Variants in ST18 observed in about 807,000 individuals in gnomAD.
The protein encoded by ST18 is ST18 C2H2C-type zinc finger transcription factor, also known as suppression of tumorigenicity 18 protein.
ST18 carries 50 observed loss-of-function variants against 110.0 expected under a neutral mutation model. The observed-to-expected ratio is 0.45, with a 90% CI of 0.36 to 0.58. ST18 has a LOEUF of 0.58. ST18 is among the 20% of genes least tolerant of loss of function. The pLI, the probability that ST18 is intolerant of heterozygous loss-of-function variation, is 0.00. For missense variants in ST18, 1,306 were observed against 1,280.1 expected, an observed-to-expected ratio of 1.02 and a Z score of -0.31; for synonymous variants, 461 against 452.4, an observed-to-expected ratio of 1.02 and a Z score of -0.24.
Position 52,116,654 on chromosome 8 carries a change from A to G in ST18, c.2860-236T>C, listed in dbSNP as rs368291921. Among the ~76,000 whole-genome samples the G allele has an allele frequency of 3.9e-5, 6 of 152,340 alleles. No individual in the cohort carries two copies. The East Asian group carries it at 1.2e-3, about 29-fold the overall frequency. ...CTCATGAATTGTAGAACTTCTCCACATGGCTGTATGATGGATATCTCAAAC... is the reference window on the plus strand; with the variant it reads ...CTCATGAATTGTAGAACTTCTCCACGTGGCTGTATGATGGATATCTCAAAC... On this transcript the variant is annotated intron_variant, in intron 24 of 25. Transcript: ENST00000689386.
At chr8:52,369,634 C>A in intron 2 of ST18, among the ~76,000 whole-genome samples, 2 of 151,996 alleles carry the variant, frequency 1.3e-5, no homozygotes, top group South Asian at 2.1e-4. Flanking sequence ...ATATGGCAAA[C>A]AATATGGAAT....
chr8:52,192,538 G>A (rs1041827075), intron 8 of ST18, among the ~76,000 whole-genome samples: 1 of 152,220 alleles, frequency 6.6e-6, no homozygotes, highest in Non-Finnish European at 1.5e-5. Flanking sequence ...CAGGAAAATG[G>A]CCTCATGGAG....
intron 15 of ST18, among the ~76,000 whole-genome samples, chr8:52,150,585 G>A (rs907987260): frequency 3.3e-5 from 5 of 152,198 alleles, no homozygotes; most frequent in African/African-American, 4.8e-5. Context: ...GGCAGGGAGA[G>A]GGAGGCAGGG....
At chr8:52,152,529 C>T (rs2059079185) in intron 15 of ST18, among the ~76,000 whole-genome samples, 1 of 152,168 alleles carries the variant, frequency 6.6e-6, no homozygotes, top group African/African-American at 2.4e-5. Flanking sequence ...GAGGGGACAT[C>T]CCAGGCCATC....
intron 8 of ST18, among the ~76,000 whole-genome samples, chr8:52,183,822 T>G (rs538600202): frequency 6.6e-6 from 1 of 152,340 alleles, no homozygotes; most frequent in East Asian, 1.9e-4. Context: ...ATTCTACTTT[T>G]TAACATATTA....
intron 2 of ST18, among the ~76,000 whole-genome samples, chr8:52,369,996 G>A (rs1238604061): frequency 6.6e-6 from 1 of 152,180 alleles, no homozygotes; most frequent in Non-Finnish European, 1.5e-5. Flanking sequence ...GACCGATGCA[G>A]GTTTCAGATG....
chr8:52,394,086 G>C (rs906698347), intron 2 of ST18, among the ~76,000 whole-genome samples: 1 of 152,006 alleles, frequency 6.6e-6, no homozygotes, highest in Non-Finnish European at 1.5e-5. Context: ...GCCCATTAAT[G>C]TGTGGTGTGT....
chr8:52,132,393 C>A (rs560789590), intron 21 of ST18, among the ~76,000 whole-genome samples: 1 of 152,244 alleles, frequency 6.6e-6, no homozygotes, highest in South Asian at 2.1e-4. Context: ...GTATTATTAT[C>A]CCATTTTGTA....
At chr8:52,251,711 T>C (rs1482340169) in intron 2 of ST18, among the ~76,000 whole-genome samples, 3 of 152,088 alleles carry the variant, frequency 2.0e-5, no homozygotes, top group Non-Finnish European at 2.9e-5. Context: ...CTTGGATCCT[T>C]TTTTCCAAAT....
In ST18 at chr8:52,255,721, G is replaced by T. The variant is rs188658494; in HGVS notation, c.-464-25644C>A. Among the ~76,000 whole-genome samples the T allele has an allele frequency of 4.8e-3, 729 of 152,280 alleles. 1 individual carries two copies. Among genetic ancestry groups the T allele is most frequent in the Middle Eastern group, 0.014 (4 of 294 alleles). On this transcript the variant is annotated intron_variant, in intron 2 of 25. Transcript: ENST00000689386. ...TCTGTGTCCATTAGAAAAAAGACAT[G>T]AATAAGAATTTATTGCCTTAGAAGA...
At chr8:52,314,058 C>G (rs2139774589) in intron 2 of ST18, among the ~76,000 whole-genome samples, 1 of 152,354 alleles carries the variant, frequency 6.6e-6, no homozygotes, top group African/African-American at 2.4e-5. Context: ...CCCTGGTAGT[C>G]TCTGCTGATA....
intron 2 of ST18, among the ~76,000 whole-genome samples, chr8:52,374,725 TC>T (rs1831569484): frequency 6.6e-6 from 1 of 152,040 alleles, no homozygotes; most frequent in Non-Finnish European, 1.5e-5. Flanking sequence ...GTTATTCCCC[TC>T]CCTGTGTCCA....
chr8:52,400,965 T>G (rs1050796432), intron 2 of ST18, among the ~76,000 whole-genome samples: 2 of 152,176 alleles, frequency 1.3e-5, no homozygotes, highest in African/African-American at 4.8e-5. Flanking sequence ...TCCTTTTGTT[T>G]CTGGTTAAAC....
At chr8:52,350,986 C>G (rs2140315492) in intron 2 of ST18, among the ~76,000 whole-genome samples, 1 of 152,264 alleles carries the variant, frequency 6.6e-6, no homozygotes, top group East Asian at 1.9e-4. Context: ...TCCCAAAGTG[C>G]TGGGATTACA....
At chr8:52,163,449 T>C (rs2061973775) in intron 13 of ST18, among the ~76,000 whole-genome samples, 1 of 152,170 alleles carries the variant, frequency 6.6e-6, no homozygotes, top group Non-Finnish European at 1.5e-5. Flanking sequence ...TCTTCCAAAT[T>C]TCTAGATATC....
intron 25 of ST18, among the ~76,000 whole-genome samples, 178 bp from the exon 26 acceptor site, chr8:52,113,516 A>G (rs143523145): frequency 4.3e-4 from 65 of 151,920 alleles, no homozygotes; most frequent in African/African-American, 1.6e-3. Flanking sequence ...TCATCTGTTC[A>G]CTCTTAATTC....
At chr8:52,409,493 A>T (rs1160775705) in intron 1 of ST18, 41 bp from the exon 2 acceptor site, 3 of 151,806 alleles carry the variant, frequency 2.0e-5, no homozygotes, top group African/African-American at 7.3e-5. Context: ...TTATCATAAG[A>T]AAACCATTGA....
At chr8:52,354,018 A>G (rs572391309) in intron 2 of ST18, among the ~76,000 whole-genome samples, 1 of 152,302 alleles carries the variant, frequency 6.6e-6, no homozygotes, top group East Asian at 1.9e-4. Flanking sequence ...CGTCTTCCGA[A>G]TCCAGGCCTT....
chr8:52,112,057 A>G lies in ST18; in HGVS notation c.*1141T>C, dbSNP rs1235718327. The stretch of plus-strand genomic sequence containing the variant: ...TTGTGGCAAGATTTCTATCAAATTG[A>G]ATGTTGTCTTGTTTCCTATGGTGGG... On this transcript the variant is annotated 3_prime_UTR_variant, in exon 26 of 26. Coordinates refer to ENST00000689386, the MANE Select transcript of ST18 (RefSeq NM_001352837.2). 1 of 152,324 alleles carries G rather than the reference A, an allele frequency of 6.6e-6. No homozygotes were observed. The highest frequency in any genetic ancestry group is 1.5e-5 in the Non-Finnish European group (1 of 67,992). 9.4% of individuals were successfully genotyped at this position (152,324 alleles called of 1,614,324 possible).
Sources: allele counts gnomAD v4.1 joint callset (sites outside exome capture counted in the v4.1 genomes callset), GRCh38; gene constraint gnomAD v4.1.1; transcripts MANE v1.5; gene names NCBI Gene and HGNC (gene_info 2026-07-23, HGNC 2026-07-21).